Variants in NREP observed in about 807,000 individuals in gnomAD.
NREP encodes neuronal regeneration-related protein.
NREP carries 5 observed loss-of-function variants against 8.6 expected under a neutral mutation model. That is an observed-to-expected ratio of 0.58 (90% CI 0.30 to 1.22). The LOEUF (loss-of-function observed/expected upper bound fraction) is 1.22. NREP is among the 50% of genes most tolerant of loss of function. The pLI, the probability that NREP is intolerant of heterozygous loss-of-function variation, is 0.07. For missense variants in NREP, 86 were observed against 82.5 expected, an observed-to-expected ratio of 1.04 and a Z score of -0.17; for synonymous variants, 27 against 28.0, an observed-to-expected ratio of 0.96 and a Z score of 0.11.
At chr5:111,774,030 C>T (rs1182495725) in intron 2 of NREP, among the ~76,000 whole-genome samples, 2 of 152,322 alleles carry the variant, frequency 1.3e-5, no homozygotes, top group Admixed American at 6.5e-5. Context: ...TTATAAACCA[C>T]TTGACAAATT....
rs542915060 is a variant in NREP, at chr5:111,883,620, T to G, written c.135+91654A>C. Among the ~76,000 whole-genome samples the G allele has an allele frequency of 2.0e-5, 3 of 152,238 alleles. No homozygotes were observed. In the South Asian group the frequency reaches 6.2e-4, roughly 32 times the overall value. The stretch of plus-strand genomic sequence containing the variant: ...TAAAAGATCACACATTATAACAAAC[T>G]GTCTCTCAGACCACAGTGCAATCAA... On this transcript the variant is annotated intron_variant, in intron 2 of 3. Transcript: ENST00000395634.
intron 2 of NREP, among the ~76,000 whole-genome samples, chr5:111,842,797 G>C (rs1425635907): frequency 6.6e-6 from 1 of 152,160 alleles, no homozygotes; most frequent in Non-Finnish European, 1.5e-5. Flanking sequence ...TTCTGAGAAA[G>C]TCGTTATCTC....
intron 2 of NREP, among the ~76,000 whole-genome samples, chr5:111,868,005 T>A (rs904969470): frequency 2.6e-5 from 4 of 151,990 alleles, no homozygotes; most frequent in African/African-American, 9.7e-5. Flanking sequence ...CTATCCCTAG[T>A]CCCTGGTGTT....
chr5:111,886,297 G>C (rs935492465), intron 2 of NREP, among the ~76,000 whole-genome samples: 3 of 152,158 alleles, frequency 2.0e-5, no homozygotes, highest in African/African-American at 7.2e-5. Context: ...AGTTAGAATG[G>C]CAGTCATTAA....
At chr5:111,732,575 AT>A (rs1471344635) in intron 3 of NREP, 1 of 151,496 alleles carries the variant, frequency 6.6e-6, no homozygotes, top group Admixed American at 6.6e-5. Context: ...TCTAGATTCA[AT>A]TTCCAAAAGC....
At chr5:111,890,502 C>A (rs1259393087) in intron 2 of NREP, among the ~76,000 whole-genome samples, 1 of 152,226 alleles carries the variant, frequency 6.6e-6, no homozygotes, top group Non-Finnish European at 1.5e-5. Flanking sequence ...TACAAACCCA[C>A]ATTTCCCCTA....
At chr5:111,802,401 T>C (rs942890822) in intron 2 of NREP, among the ~76,000 whole-genome samples, 2 of 152,192 alleles carry the variant, frequency 1.3e-5, no homozygotes, top group African/African-American at 4.8e-5. Flanking sequence ...GGGTGAAGCC[T>C]AGTCTTGAAA....
intron 2 of NREP, among the ~76,000 whole-genome samples, chr5:111,840,250 A>G (rs1231555611): frequency 6.6e-6 from 1 of 151,940 alleles, no homozygotes; most frequent in Non-Finnish European, 1.5e-5. Context: ...ATCGGCTAGT[A>G]TTTCTGAGAA....
At chr5:111,765,888 T>TA (rs1361261195) in intron 2 of NREP, among the ~76,000 whole-genome samples, 1 of 152,190 alleles carries the variant, frequency 6.6e-6, no homozygotes, top group Non-Finnish European at 1.5e-5. Context: ...GAACGATTTG[T>TA]AAAAATGGCA....
rs539595097 is a variant in NREP, at chr5:111,737,304, C to A, written c.4-1797G>T. 2.0e-5 allele frequency among the ~76,000 whole-genome samples: 3 copies of A among 152,304 alleles called. No individual in the cohort carries two copies. The South Asian group carries it at 6.2e-4, about 32-fold the overall frequency. ...ACACAAAAGCCCAGTTTGGGCTCAACTTTAGGGGACCCCAAGTTTGAATCT... is the reference window on the plus strand; with the variant it reads ...ACACAAAAGCCCAGTTTGGGCTCAAATTTAGGGGACCCCAAGTTTGAATCT... On this transcript the variant is annotated intron_variant, in intron 2 of 3. Transcript: ENST00000257435.
At chr5:111,949,202 C>T (rs1490315617) in intron 2 of NREP, among the ~76,000 whole-genome samples, 1 of 151,992 alleles carries the variant, frequency 6.6e-6, no homozygotes, top group Non-Finnish European at 1.5e-5. Flanking sequence ...CAAATGCTGT[C>T]ATGTTAAATA....
intron 2 of NREP, among the ~76,000 whole-genome samples, chr5:111,901,261 A>AC (rs1236011415): frequency 3.3e-5 from 5 of 152,162 alleles, no homozygotes; most frequent in African/African-American, 7.2e-5. Context: ...GAATTTAATT[A>AC]CTTTTCTTAG....
intron 2 of NREP, chr5:111,739,364 T>C (rs991245396): frequency 6.6e-6 from 1 of 152,266 alleles, no homozygotes; most frequent in Non-Finnish European, 1.5e-5. Flanking sequence ...CAAGTGGCCC[T>C]GTAGCCAGGT....
chr5:111,739,439 C>T (rs997109134), intron 2 of NREP: 1 of 152,206 alleles, frequency 6.6e-6, no homozygotes, highest in African/African-American at 2.4e-5. Context: ...GTTTCTGTGC[C>T]CTCAGTTTTC....
intron 2 of NREP, among the ~76,000 whole-genome samples, chr5:111,946,713 C>T (rs913089941): frequency 2.6e-5 from 4 of 151,924 alleles, no homozygotes; most frequent in Non-Finnish European, 4.4e-5. Flanking sequence ...TCTTTCCCAA[C>T]AAAAAATAAA....
At chr5:111,889,164 A>G (rs1382272186) in intron 2 of NREP, among the ~76,000 whole-genome samples, 1 of 152,248 alleles carries the variant, frequency 6.6e-6, no homozygotes, top group East Asian at 1.9e-4. Flanking sequence ...CAGGCTGTAC[A>G]GAAAGCATAC....
intron 2 of NREP, among the ~76,000 whole-genome samples, chr5:111,743,153 T>A (rs1210734286): frequency 1.4e-5 from 1 of 73,742 alleles, no homozygotes; most frequent in African/African-American, 3.2e-5. Context: ...TTCCAAACAA[T>A]GGGAAAAAAA....
At chr5:111,755,100 G>C (rs1223418949) in intron 2 of NREP, among the ~76,000 whole-genome samples, 1 of 151,930 alleles carries the variant, frequency 6.6e-6, no homozygotes, top group East Asian at 1.9e-4. Flanking sequence ...CTTTTAATGT[G>C]TATTCCTTCT....
At chr5:111,767,614 A>G (rs1019627128) in intron 2 of NREP, among the ~76,000 whole-genome samples, 14 of 152,106 alleles carry the variant, frequency 9.2e-5, no homozygotes, top group Middle Eastern at 6.8e-3. Flanking sequence ...CTTGTCCCCA[A>G]TTTGTGTTAA....
Sources: allele counts gnomAD v4.1 joint callset (sites outside exome capture counted in the v4.1 genomes callset), GRCh38; gene constraint gnomAD v4.1.1; transcripts MANE v1.5; gene names NCBI Gene and HGNC (gene_info 2026-07-23, HGNC 2026-07-21).